Variants in PCM1 observed in about 807,000 individuals in gnomAD.
PCM1 encodes the protein pericentriolar material 1.
Under a neutral mutation model 241.9 loss-of-function variants are expected in PCM1, and 157 were observed. That is an observed-to-expected ratio of 0.65 (90% confidence interval 0.57 to 0.74). PCM1 has a LOEUF of 0.74. Ranked by LOEUF, PCM1 falls within the 30% of genes least tolerant of loss-of-function variation. PCM1 has a pLI of 0.00. For synonymous variants in PCM1, 1,085 were observed against 784.9 expected (o/e 1.38, Z -6.39); for missense variants, 3,478 against 2,360.1 (o/e 1.47, Z -9.81).
At chr8:17,948,156 T>G (rs1397785604) in intron 7 of PCM1, among the ~76,000 whole-genome samples, 1 of 152,126 alleles carries the variant, frequency 6.6e-6, no homozygotes, top group Admixed American at 6.5e-5. Context: ...GTGAGTTAGG[T>G]TCTCACTGAG....
At chr8:18,016,006 A>G (rs1212546465) in intron 36 of PCM1, among the ~76,000 whole-genome samples, 5 of 152,180 alleles carry the variant, frequency 3.3e-5, no homozygotes. Context: ...CTCCTGCCTC[A>G]GCCTCCCGAG....
At position 18,025,644 on chromosome 8, in the gene PCM1, C is replaced by T. The variant is rs1442815239; in HGVS notation, c.6035C>T (p.Thr2012Ile). The change falls in exon 38 of 39, where the codon ACA becomes ATA. Residue 2012 changes from threonine to isoleucine, a missense_variant. By Grantham distance (89) the Thr-to-Ile change is moderately conservative. Coordinates refer to ENST00000325083, the MANE Select transcript of PCM1 (RefSeq NM_006197.4). ...GAAGAATTAGCTGGAAATTCTGAGACACTAAAAGAACCTGGTAAGAGTTAT... is the reference window on the plus strand; with the variant it reads ...GAAGAATTAGCTGGAAATTCTGAGATACTAAAAGAACCTGGTAAGAGTTAT... ...QTEELAGNSE[T>I]LKEPETVGAQ... 2 of 1,548,712 alleles carry T rather than the reference C, an allele frequency of 1.3e-6. No individual in the cohort carries two copies. Among genetic ancestry groups the T allele is most frequent in the South Asian group, 1.2e-5 (1 of 83,748 alleles).
Position 17,972,548 on chromosome 8 carries a change from A to G in PCM1, c.3804A>G (p.Val1268=), listed in dbSNP as rs1251774149. The change falls in exon 23 of 39, where the codon GTA becomes GTG. Residue 1268 remains valine, a synonymous_variant. Coordinates refer to ENST00000325083, the MANE Select transcript of PCM1 (RefSeq NM_006197.4). ...GCTTTAGCAGTATGCCTGATCCAGT[A>G]GATCCAACAACAGTGACTAAAACAT... ...LESFSSMPDP[V]DPTTVTKTFK... 5.0e-6 allele frequency: 8 copies of G among 1,613,844 alleles called. No homozygotes were observed. Among genetic ancestry groups the G allele is most frequent in the Non-Finnish European group, 5.9e-6 (7 of 1,179,748 alleles).
intron 4 of PCM1, 125 bp from the exon 5 acceptor site, chr8:17,938,615 T>A: frequency 3.0e-6 from 2 of 655,904 alleles, no homozygotes; most frequent in Non-Finnish European, 5.4e-6. Context: ...CAGGTCTTAG[T>A]GCAAAGCTCT....
intron 22 of PCM1, 85 bp downstream of exon 22, chr8:17,969,833 G>T (rs2076247513): frequency 9.8e-7 from 1 of 1,025,534 alleles, no homozygotes; most frequent in Non-Finnish European, 1.5e-6. Flanking sequence ...AACACAACTA[G>T]GGAGGACGTT....
chr8:17,963,827 A>G (rs908347462), intron 17 of PCM1, among the ~76,000 whole-genome samples: 4 of 152,224 alleles, frequency 2.6e-5, no homozygotes, highest in Admixed American at 1.3e-4. Context: ...TTTGAAATAT[A>G]GATTTGTTTA....
intron 22 of PCM1, among the ~76,000 whole-genome samples, chr8:17,970,324 AAT>A (rs2076412946): frequency 6.6e-6 from 1 of 152,058 alleles, no homozygotes; most frequent in African/African-American, 2.4e-5. Context: ...ACTCCATAAA[AAT>A]ATATATAATT....
At position 18,014,003 on chromosome 8, in the gene PCM1, A is replaced by G. The variant is rs2092837999; in HGVS notation, c.5551A>G (p.Asn1851Asp). The G allele has an allele frequency of 6.2e-7, 1 of 1,604,954 alleles. No individual in the cohort carries two copies. The highest frequency in any genetic ancestry group is 8.5e-7 in the Non-Finnish European group (1 of 1,175,944). Residue 1851 changes from asparagine (N) to aspartate (D), a missense_variant, in exon 35 of 39, where the codon AAT becomes GAT. Asn to Asp is a conservative substitution (Grantham distance 23). Coordinates refer to ENST00000325083, the MANE Select transcript of PCM1 (RefSeq NM_006197.4). ...RDFKKTAESK[N>D]VPLEREATSK... ...CTTTAAAAAGACAGCAGAAAGCAAAAATGTCCCATTGGAACGAGAAGCCAC... is the reference window on the plus strand; with the variant it reads ...CTTTAAAAAGACAGCAGAAAGCAAAGATGTCCCATTGGAACGAGAAGCCAC...
intron 8 of PCM1, among the ~76,000 whole-genome samples, chr8:17,951,206 C>A (rs1279000542): frequency 6.6e-6 from 1 of 152,146 alleles, no homozygotes; most frequent in Non-Finnish European, 1.5e-5. Flanking sequence ...TAATTTGATG[C>A]ACTTTGTAAG....
At chr8:17,929,630 A>C (rs1210165365) in intron 2 of PCM1, among the ~76,000 whole-genome samples, 2 of 152,060 alleles carry the variant, frequency 1.3e-5, no homozygotes, top group Admixed American at 6.5e-5. Flanking sequence ...TTTATCCTTT[A>C]TCTTTTAACT....
chr8:17,987,467 A>G (rs2082998219), intron 26 of PCM1, among the ~76,000 whole-genome samples: 1 of 151,862 alleles, frequency 6.6e-6, no homozygotes, highest in Admixed American at 6.6e-5. Flanking sequence ...TGCACCATCG[A>G]TAGCACATTT....
At chr8:17,933,587 A>G (rs896808793) in intron 2 of PCM1, among the ~76,000 whole-genome samples, 1 of 152,122 alleles carries the variant, frequency 6.6e-6, no homozygotes, top group Non-Finnish European at 1.5e-5. Context: ...TTTTTCTCCC[A>G]TATTGTTTTA....
At chr8:17,937,002 C>T (rs1250404437) in intron 3 of PCM1, 132 bp from the exon 4 acceptor site, 1 of 635,548 alleles carries the variant, frequency 1.6e-6, no homozygotes, top group South Asian at 2.4e-5. Flanking sequence ...ATATTTGTCT[C>T]TAGGAGTATA....
At chr8:18,022,202 T>C (rs934672660) in intron 36 of PCM1, among the ~76,000 whole-genome samples, 7 of 152,120 alleles carry the variant, frequency 4.6e-5, no homozygotes. Context: ...CTTAAAGATA[T>C]AAAAGGGAAA....
At chr8:17,957,171 G>A (rs11777618) in intron 11 of PCM1, 93 bp from the exon 12 acceptor site, 2 of 969,358 alleles carry the variant, frequency 2.1e-6, no homozygotes, top group South Asian at 1.9e-5. Flanking sequence ...AATGTGCTTG[G>A]TTTGGTGTTA....
intron 6 of PCM1, among the ~76,000 whole-genome samples, chr8:17,946,230 T>C (rs1055526627): frequency 1.3e-5 from 2 of 152,204 alleles, no homozygotes; most frequent in African/African-American, 4.8e-5. Flanking sequence ...AATTTGGAAG[T>C]AGTTACTTCC....
chr8:18,014,319 AAATC>A lies in PCM1; in HGVS notation c.5585-264_5585-261del, dbSNP rs369743517. ...ACAAATAATGGTAGATTTAAAAAAA[AAATC>A]TATTTGTAGGCCTTATTACTGAAAG... On this transcript the variant is annotated intron_variant, in intron 35 of 38. Coordinates refer to ENST00000325083, the MANE Select transcript of PCM1 (RefSeq NM_006197.4). 2.2e-3 allele frequency among the ~76,000 whole-genome samples: 333 copies of A among 151,598 alleles called. 4 individuals carry two copies. Among genetic ancestry groups the A allele is most frequent in the Middle Eastern group, 0.01 (3 of 294 alleles).
intron 17 of PCM1, among the ~76,000 whole-genome samples, chr8:17,963,814 A>T (rs1048176646): frequency 5.3e-5 from 8 of 152,176 alleles, no homozygotes; most frequent in Non-Finnish European, 1.0e-4. Context: ...CCATATCAAA[A>T]ATTTTGAAAT....
chr8:17,955,650 T>G lies in PCM1; in HGVS notation c.1469T>G (p.Leu490Arg), dbSNP rs1038484433. The part of the protein sequence containing the change: ...NEGHLNPSEK[L>R]QKLNEVRKRL... ...GGCCACCTCAATCCATCTGAAAAAC[T>G]CCAGTAAAACATTTATAATCATTGT... The change falls in exon 10 of 39, where the codon CTC (leucine) becomes CGC (arginine). Residue 490 changes from leucine (L) to arginine (R), a missense_variant. Leu to Arg is a moderately radical substitution (Grantham distance 102). Transcript: ENST00000325083. 3 of 1,607,674 alleles carry G rather than the reference T, an allele frequency of 1.9e-6. No individual in the cohort carries two copies. The highest frequency in any genetic ancestry group is 2.6e-6 in the Non-Finnish European group (3 of 1,174,486).
Sources: gnomAD v4.1 joint callset for allele counts (sites outside exome capture counted in the v4.1 genomes callset) on GRCh38, gnomAD v4.1.1 for gene constraint, MANE v1.5 for transcripts, NCBI Gene and HGNC (gene_info 2026-07-23, HGNC 2026-07-21) for gene names.